Variants in GPR158 observed in about 807,000 individuals in gnomAD.
GPR158 encodes the protein metabotropic glycine receptor.
In GPR158, 30 loss-of-function variants were observed where a neutral mutation model predicts 78.2. That is an observed-to-expected ratio of 0.38 (90% CI 0.29 to 0.52). The LOEUF (loss-of-function observed/expected upper bound fraction) is 0.52, where lower values mean the gene tolerates loss of function less well. Ranked by LOEUF, GPR158 falls within the 20% of genes least tolerant of loss-of-function variation. The pLI is 0.83. For synonymous variants in GPR158, 581 were observed against 591.1 expected (o/e 0.98, Z 0.25); for missense variants, 1,463 against 1,523.5 (o/e 0.96, Z 0.66).
At chr10:25,358,259 T>C (rs1855579878) in intron 2 of GPR158, among the ~76,000 whole-genome samples, 1 of 152,064 alleles carries the variant, frequency 6.6e-6, no homozygotes, top group Non-Finnish European at 1.5e-5. Flanking sequence ...CTTTGGACTG[T>C]GGACTTTGGA....
intron 2 of GPR158, among the ~76,000 whole-genome samples, chr10:25,299,967 C>T (rs146758071): frequency 1.2e-3 from 184 of 152,210 alleles, no homozygotes; most frequent in African/African-American, 4.2e-3. Context: ...GCTGGGATTA[C>T]AGGTGCATGC....
At chr10:25,433,686 CTTTCTTTCTTTTT>C (rs1166096836) in intron 4 of GPR158, among the ~76,000 whole-genome samples, 1 of 64,772 alleles carries the variant, frequency 1.5e-5, no homozygotes, top group East Asian at 2.5e-4. Flanking sequence ...TTCTTTCTTT[CTTTCTTTCTTTTT>C]TTTTTTTTTT....
At chr10:25,474,141 G>A (rs1260226517) in intron 5 of GPR158, among the ~76,000 whole-genome samples, 1 of 152,020 alleles carries the variant, frequency 6.6e-6, no homozygotes, top group East Asian at 1.9e-4. Context: ...GCCCAAGAAT[G>A]CAGGCAGCCT....
intron 2 of GPR158, among the ~76,000 whole-genome samples, chr10:25,331,931 T>C (rs1307173502): frequency 6.6e-6 from 1 of 152,080 alleles, no homozygotes; most frequent in East Asian, 1.9e-4. Context: ...GCTCTATTGG[T>C]GTATGTTTGA....
intron 2 of GPR158, among the ~76,000 whole-genome samples, chr10:25,324,831 C>CTTTTTTTTTTTT (rs34746907): frequency 6.4e-5 from 8 of 125,386 alleles, no homozygotes; most frequent in East Asian, 2.2e-4. Context: ...TTTTTTCTTT[C>CTTTTTTTTTTTT]TTTTTTTTTT....
intron 2 of GPR158, among the ~76,000 whole-genome samples, chr10:25,231,600 T>C (rs1166467221): frequency 6.6e-6 from 1 of 152,106 alleles, no homozygotes; most frequent in Non-Finnish European, 1.5e-5. Context: ...TACCTGACCA[T>C]CCAAGGTGAA....
chr10:25,294,981 T>G (rs972913099), intron 2 of GPR158, among the ~76,000 whole-genome samples: 11 of 152,238 alleles, frequency 7.2e-5, no homozygotes. Context: ...TAACCTCTAA[T>G]TCAATACTTG....
intron 2 of GPR158, among the ~76,000 whole-genome samples, chr10:25,291,876 A>G (rs1854442096): frequency 6.6e-6 from 1 of 152,154 alleles, no homozygotes; most frequent in East Asian, 1.9e-4. Context: ...AAGCAATTTC[A>G]TTATAAATTC....
chr10:25,212,855 C>A (rs1047933951), intron 1 of GPR158, among the ~76,000 whole-genome samples: 13 of 152,122 alleles, frequency 8.5e-5, no homozygotes, highest in African/African-American at 2.9e-4. Flanking sequence ...TGGTCTCGAA[C>A]TCCTGACCTT....
At chr10:25,512,354 A>G (rs756906472) in intron 5 of GPR158, among the ~76,000 whole-genome samples, 4 of 152,178 alleles carry the variant, frequency 2.6e-5, no homozygotes, top group Non-Finnish European at 5.9e-5. Context: ...GGAATATAGC[A>G]GAGCCACTGC....
intron 2 of GPR158, among the ~76,000 whole-genome samples, chr10:25,298,575 T>C (rs1435408634): frequency 1.3e-5 from 2 of 152,160 alleles, no homozygotes; most frequent in African/African-American, 4.8e-5. Context: ...ATTTTTATCT[T>C]TCTCATTAAT....
chr10:25,208,233 G>A (rs1272550587), intron 1 of GPR158, among the ~76,000 whole-genome samples: 1 of 152,038 alleles, frequency 6.6e-6, no homozygotes, highest in Non-Finnish European at 1.5e-5. Context: ...TGATAATTTT[G>A]CATCTCTAGC....
At chr10:25,274,525 G>C (rs1040211409) in intron 2 of GPR158, among the ~76,000 whole-genome samples, 2 of 152,164 alleles carry the variant, frequency 1.3e-5, no homozygotes, top group African/African-American at 4.8e-5. Flanking sequence ...TTAATCCTCA[G>C]TGCTAAATAC....
chr10:25,253,559 T>G (rs571469334), intron 2 of GPR158, among the ~76,000 whole-genome samples: 1 of 152,340 alleles, frequency 6.6e-6, no homozygotes, highest in Non-Finnish European at 1.5e-5. Context: ...ATTCAGAATC[T>G]TCTTTGACAC....
In GPR158 at chr10:25,222,424, C is replaced by T. The variant is rs1307638538; in HGVS notation, c.1008+1267C>T. Among the ~76,000 whole-genome samples the T allele has an allele frequency of 2.0e-5, 3 of 151,336 alleles. No individual in the cohort carries two copies. In the East Asian group the frequency reaches 5.8e-4, roughly 29 times the overall value. On this transcript the variant is annotated intron_variant, in intron 2 of 10. Coordinates refer to ENST00000376351, the MANE Select transcript of GPR158 (RefSeq NM_020752.3). Reference sequence around the variant, plus strand: ...CCACTTCATCAATACATTCCCACAGCCCCCCCATTCCCTCACATCCACACA... The same window carrying T: ...CCACTTCATCAATACATTCCCACAGTCCCCCCATTCCCTCACATCCACACA...
At chr10:25,327,232 T>C (rs528581994) in intron 2 of GPR158, among the ~76,000 whole-genome samples, 1 of 151,798 alleles carries the variant, frequency 6.6e-6, no homozygotes, top group African/African-American at 2.4e-5. Context: ...CTTGCTGCCT[T>C]ATACACAGGA....
intron 2 of GPR158, among the ~76,000 whole-genome samples, chr10:25,384,004 G>T (rs890966322): frequency 5.5e-4 from 83 of 152,194 alleles, no homozygotes; most frequent in African/African-American, 1.8e-3. Flanking sequence ...AGTTGCTATA[G>T]AATTGAGTTA....
intron 2 of GPR158, among the ~76,000 whole-genome samples, chr10:25,264,732 A>G (rs1854019295): frequency 6.6e-6 from 1 of 152,180 alleles, no homozygotes; most frequent in African/African-American, 2.4e-5. Flanking sequence ...CTTTACTTTG[A>G]TTACTTTTGT....
At chr10:25,547,048 G>A (rs538677067) in intron 5 of GPR158, among the ~76,000 whole-genome samples, 5 of 152,250 alleles carry the variant, frequency 3.3e-5, no homozygotes, top group African/African-American at 7.2e-5. Context: ...TTCTAAGCAG[G>A]GAAGTGAGGT....
Sources: allele counts gnomAD v4.1 joint callset (sites outside exome capture counted in the v4.1 genomes callset), GRCh38; gene constraint gnomAD v4.1.1; transcripts MANE v1.5; gene names NCBI Gene and HGNC (gene_info 2026-07-23, HGNC 2026-07-21).